FBXO10: variants seen among roughly 807,000 people sequenced by gnomAD.
FBXO10 encodes F-box only protein 10.
FBXO10 carries 39 observed loss-of-function variants against 80.7 expected under a neutral mutation model. The observed-to-expected ratio is 0.48, with a 90% CI of 0.37 to 0.63. The LOEUF (loss-of-function observed/expected upper bound fraction) is 0.63, where lower values mean the gene tolerates loss of function less well. FBXO10 is among the 30% of genes least tolerant of loss of function. The probability of loss-of-function intolerance (pLI) is 0.00; values close to 1 mark genes in which losing one functional copy is unlikely to be tolerated. For synonymous variants in FBXO10, 449 were observed against 489.6 expected, an observed-to-expected ratio of 0.92 and a Z score of 1.09; for missense variants, 1,025 against 1,269.0, an observed-to-expected ratio of 0.81 and a Z score of 2.92.
chr9:37,563,202 T>C (rs1213912336), intron 1 of FBXO10, among the ~76,000 whole-genome samples: 1 of 152,202 alleles, frequency 6.6e-6, no homozygotes, highest in Non-Finnish European at 1.5e-5. Flanking sequence ...CTGCCATGAT[T>C]GTAAGTTTTC....
At chr9:37,534,931 G>A (rs1428105238) in intron 3 of FBXO10, among the ~76,000 whole-genome samples, 1 of 152,136 alleles carries the variant, frequency 6.6e-6, no homozygotes, top group Non-Finnish European at 1.5e-5. Flanking sequence ...CTGCTCTCAA[G>A]ACCACAGACA....
chr9:37,573,860 TG>T (rs1455337821), intron 1 of FBXO10, among the ~76,000 whole-genome samples: 1 of 138,516 alleles, frequency 7.2e-6, no homozygotes, highest in African/African-American at 2.8e-5. Flanking sequence ...TTTAGACGAG[TG>T]GGAAACTAAT....
intron 3 of FBXO10, among the ~76,000 whole-genome samples, chr9:37,534,347 T>C (rs1821702358): frequency 6.6e-6 from 1 of 152,202 alleles, no homozygotes; most frequent in African/African-American, 2.4e-5. Flanking sequence ...CTGAGGCTGC[T>C]GGACAACCGG....
intron 7 of FBXO10, chr9:37,522,545 G>A (rs1821369788): frequency 8.4e-7 from 1 of 1,183,538 alleles, no homozygotes; most frequent in Non-Finnish European, 1.0e-6. Context: ...GGGCTGAAAT[G>A]GTCCTGTCCT....
At chr9:37,546,636 T>C (rs1346372844) in intron 1 of FBXO10, among the ~76,000 whole-genome samples, 1 of 152,030 alleles carries the variant, frequency 6.6e-6, no homozygotes, top group African/African-American at 2.4e-5. Flanking sequence ...GGAGAAGACA[T>C]AGTGAAACAC....
At chr9:37,550,169 G>GTGTTTTTT (rs1822155657) in intron 1 of FBXO10, among the ~76,000 whole-genome samples, 1 of 68,032 alleles carries the variant, frequency 1.5e-5, no homozygotes, top group African/African-American at 5.2e-5. Flanking sequence ...GTCGTCTCAG[G>GTGTTTTTT]TTTTTTTTTT....
intron 2 of FBXO10, among the ~76,000 whole-genome samples, chr9:37,539,332 G>A (rs1296630746): frequency 2.6e-5 from 4 of 152,364 alleles, no homozygotes; most frequent in African/African-American, 9.6e-5. Context: ...AGAAGTCACT[G>A]AAAACTGCTG....
At chr9:37,575,448 T>C (rs540414063) in intron 1 of FBXO10, 3 of 152,254 alleles carry the variant, frequency 2.0e-5, no homozygotes, top group African/African-American at 4.8e-5. Context: ...CATTATCTAC[T>C]GAGGCTTTTG....
chr9:37,513,465 C>T (rs977822430), intron 10 of FBXO10, among the ~76,000 whole-genome samples: 11 of 152,182 alleles, frequency 7.2e-5, no homozygotes, highest in Non-Finnish European at 1.3e-4. Context: ...AAGGAATGAA[C>T]GCCTTACATG....
chr9:37,567,016 G>T (rs1390823154), intron 1 of FBXO10, among the ~76,000 whole-genome samples: 1 of 152,112 alleles, frequency 6.6e-6, no homozygotes, highest in East Asian at 1.9e-4. Flanking sequence ...TTGCAGGGGG[G>T]TCCCCAGATC....
At chr9:37,562,001 C>T (rs892214732) in intron 1 of FBXO10, among the ~76,000 whole-genome samples, 2 of 152,158 alleles carry the variant, frequency 1.3e-5, no homozygotes, top group Non-Finnish European at 2.9e-5. Context: ...AACGGCATGA[C>T]ATGGAAACAC....
chr9:37,528,889 G>A lies in FBXO10; in HGVS notation c.1706+235C>T, dbSNP rs147050088. Among the ~76,000 whole-genome samples, 285 of 152,350 alleles carry A rather than the reference G, an allele frequency of 1.9e-3. 1 individual carries two copies. Among genetic ancestry groups the A allele is most frequent in the African/African-American group, 6.7e-3 (280 of 41,584 alleles). ...CCAGGCTAGAGTAAGCTCCCAGGGA[G>A]CAGAGCCTGCCCATGTTGGAAGTGC... On this transcript the variant is annotated intron_variant, in intron 5 of 10. Coordinates refer to ENST00000432825, the MANE Select transcript of FBXO10 (RefSeq NM_012166.3).
chr9:37,542,095 C>T (rs1821934201), intron 1 of FBXO10, among the ~76,000 whole-genome samples: 2 of 151,868 alleles, frequency 1.3e-5, no homozygotes, highest in Non-Finnish European at 2.9e-5. Flanking sequence ...TCCCAAAGTG[C>T]TGGGATTACA....
chr9:37,523,790 G>A (rs1419054100), intron 6 of FBXO10, among the ~76,000 whole-genome samples: 5 of 152,188 alleles, frequency 3.3e-5, no homozygotes, highest in African/African-American at 1.2e-4. Context: ...GGTGGCACAT[G>A]CCTGTAATCC....
chr9:37,561,194 T>C (rs1331527813), intron 1 of FBXO10, among the ~76,000 whole-genome samples: 1 of 145,284 alleles, frequency 6.9e-6, no homozygotes, highest in Non-Finnish European at 1.5e-5. Context: ...TTTTTTTTTT[T>C]AAAGAAGTGA....
At chr9:37,554,908 A>G (rs1275607176) in intron 1 of FBXO10, among the ~76,000 whole-genome samples, 3 of 152,188 alleles carry the variant, frequency 2.0e-5, no homozygotes, top group Non-Finnish European at 4.4e-5. Context: ...ATATTCTTAT[A>G]TAAGTGTTTT....
chr9:37,549,509 C>T (rs1822139144), intron 1 of FBXO10, among the ~76,000 whole-genome samples: 1 of 152,202 alleles, frequency 6.6e-6, no homozygotes, highest in African/African-American at 2.4e-5. Context: ...GTAGAAATCA[C>T]ATCTGAGCAT....
intron 1 of FBXO10, among the ~76,000 whole-genome samples, chr9:37,550,187 T>TTTTTTTTTTTTTTTTTTTTG (rs1822160507): frequency 7.7e-6 from 1 of 129,862 alleles, no homozygotes; most frequent in African/African-American, 2.9e-5. Flanking sequence ...TTTTTTTTTT[T>TTTTTTTTTTTTTTTTTTTTG]TTTTTTTTTT....
chr9:37,560,777 T>C (rs1025714104), intron 1 of FBXO10, among the ~76,000 whole-genome samples: 1 of 152,144 alleles, frequency 6.6e-6, no homozygotes, highest in African/African-American at 2.4e-5. Flanking sequence ...AAAACAATGA[T>C]GGAAGCCTGT....
Sources: gnomAD v4.1 joint callset for allele counts (sites outside exome capture counted in the v4.1 genomes callset) on GRCh38, gnomAD v4.1.1 for gene constraint, MANE v1.5 for transcripts, NCBI Gene and HGNC (gene_info 2026-07-23, HGNC 2026-07-21) for gene names.